HELLS: variants seen among roughly 807,000 people sequenced by gnomAD.
The protein encoded by HELLS is helicase, lymphoid specific.
In HELLS, 32 loss-of-function variants were observed where a neutral mutation model predicts 120.0. That is an observed-to-expected ratio of 0.27 (90% confidence interval 0.20 to 0.36). The LOEUF (loss-of-function observed/expected upper bound fraction) is 0.36, where lower values mean the gene tolerates loss of function less well. Ranked by LOEUF, HELLS falls within the 10% of genes least tolerant of loss-of-function variation. HELLS has a pLI of 1.00. For synonymous variants in HELLS, 341 were observed against 323.4 expected, an observed-to-expected ratio of 1.05 and a Z score of -0.58; for missense variants, 650 against 993.4, an observed-to-expected ratio of 0.65 and a Z score of 4.65.
chr10:94,560,930 C>T (rs1046652623), intron 4 of HELLS, among the ~76,000 whole-genome samples: 49 of 151,932 alleles, frequency 3.2e-4, no homozygotes, highest in African/African-American at 1.2e-3. Flanking sequence ...ATGGCGGGTA[C>T]CTGTAATCCC....
intron 17 of HELLS, 28 bp downstream of exon 17, chr10:94,592,542 A>G (rs371440441): frequency 1.5e-4 from 201 of 1,318,684 alleles, no homozygotes; most frequent in Non-Finnish European, 1.9e-4. Context: ...ATACATACCA[A>G]ACTATTCTTT....
intron 4 of HELLS, among the ~76,000 whole-genome samples, chr10:94,560,696 C>CTAAA (rs201682761): frequency 0.056 from 8,431 of 151,246 alleles, 350 homozygotes; most frequent in African/African-American, 0.1. Context: ...GACTCTGTTC[C>CTAAA]TAAATAAATA....
rs751672906 is a variant in HELLS at position 94,545,899 on chromosome 10, G to T, written c.-23G>T. The T allele has an allele frequency of 2.6e-6, 4 of 1,552,952 alleles. No individual in the cohort carries two copies. Among genetic ancestry groups the T allele is most frequent in the Non-Finnish European group, 3.5e-6 (4 of 1,147,570 alleles). Reference sequence around the variant, plus strand: ...TGCAGGCTCTGAGAGGAGGGGACCCGGTTCCCGGGTGAGTGTCCAGGCATG... The same window carrying T: ...TGCAGGCTCTGAGAGGAGGGGACCCTGTTCCCGGGTGAGTGTCCAGGCATG... On this transcript the variant is annotated 5_prime_UTR_variant, in exon 1 of 22. Coordinates refer to ENST00000348459, the MANE Select transcript of HELLS (RefSeq NM_018063.5).
chr10:94,559,209 A>C (rs973940242), intron 4 of HELLS, among the ~76,000 whole-genome samples: 1 of 152,274 alleles, frequency 6.6e-6, no homozygotes, highest in South Asian at 2.1e-4. Context: ...TATGTCAAGC[A>C]TATATCCTTT....
intron 10 of HELLS, among the ~76,000 whole-genome samples, chr10:94,580,187 T>TCACACACA (rs1564602849): frequency 1.5e-4 from 7 of 47,550 alleles, no homozygotes; most frequent in African/African-American, 4.9e-4. Context: ...ACACACACAT[T>TCACACACA]TTTTTTTTTT....
chr10:94,594,162 A>G (rs1344458791), intron 18 of HELLS, among the ~76,000 whole-genome samples: 1 of 152,022 alleles, frequency 6.6e-6, no homozygotes, highest in African/African-American at 2.4e-5. Context: ...ATTTCTTCAT[A>G]AAGTTTTTTG....
intron 8 of HELLS, among the ~76,000 whole-genome samples, chr10:94,607,157 T>TA (rs1564624252): frequency 6.6e-6 from 1 of 152,220 alleles, no homozygotes; most frequent in Non-Finnish European, 1.5e-5. Flanking sequence ...TGACATTTCT[T>TA]ACACTGTGAG....
chr10:94,591,962 T>C (rs1287364408), intron 15 of HELLS, among the ~76,000 whole-genome samples: 1 of 152,250 alleles, frequency 6.6e-6, no homozygotes, highest in East Asian at 1.9e-4. Flanking sequence ...ATAATTGTTT[T>C]CTTTCACAAT....
chr10:94,592,987 T>C (rs570873592), intron 17 of HELLS, among the ~76,000 whole-genome samples: 2 of 152,300 alleles, frequency 1.3e-5, no homozygotes, highest in South Asian at 4.1e-4. Flanking sequence ...AAAAATAAAA[T>C]ATAGATGATA....
rs1047890203 is a variant in HELLS at position 94,553,427 on chromosome 10, T to C, written c.154-699T>C. Among the ~76,000 whole-genome samples, 3 of 151,656 alleles carry C rather than the reference T, an allele frequency of 2.0e-5. No homozygotes were observed. The South Asian group carries it at 6.2e-4, about 32-fold the overall frequency. Reference sequence around the variant, plus strand: ...CCACGTCCTGCTAATTTTTATAGTTTTAGTAGAGATGGGGTTTCACCATTT... The same window carrying C: ...CCACGTCCTGCTAATTTTTATAGTTCTAGTAGAGATGGGGTTTCACCATTT... On this transcript the variant is annotated intron_variant, in intron 2 of 21. Coordinates refer to ENST00000348459, the MANE Select transcript of HELLS (RefSeq NM_018063.5).
intron 2 of HELLS, among the ~76,000 whole-genome samples, chr10:94,548,530 A>G (rs1156602878): frequency 6.6e-6 from 1 of 152,234 alleles, no homozygotes; most frequent in East Asian, 1.9e-4. Context: ...TTTAAAAAAG[A>G]TAAGTCAAAT....
intron 2 of HELLS, among the ~76,000 whole-genome samples, chr10:94,548,729 C>T (rs1356666038): frequency 6.6e-6 from 1 of 152,074 alleles, no homozygotes; most frequent in Non-Finnish European, 1.5e-5. Context: ...CATGGTGGCT[C>T]ACGCTTGTAA....
chr10:94,607,892 T>A (rs1193277635), intron 8 of HELLS: 2 of 424,676 alleles, frequency 4.7e-6, no homozygotes, highest in Non-Finnish European at 9.4e-6. Context: ...CACACCCAAC[T>A]GATTTTTGTA....
intron 7 of HELLS, among the ~76,000 whole-genome samples, chr10:94,572,999 G>T (rs542645946): frequency 2.0e-5 from 3 of 151,502 alleles, no homozygotes; most frequent in Non-Finnish European, 4.4e-5. Flanking sequence ...TCACTCTGTC[G>T]CCCAGGCTGG....
In HELLS at chr10:94,555,385, C is replaced by T. The variant is rs189625311; in HGVS notation, c.276+1137C>T. The stretch of plus-strand genomic sequence containing the variant: ...CCAGGAGGCGGAGGTTGCAGTGAGC[C>T]GAGATTGCACCCCTGGACTCCAGCC... On this transcript the variant is annotated intron_variant, in intron 3 of 21. Transcript: ENST00000348459. Among the ~76,000 whole-genome samples, 324 of 151,964 alleles carry T rather than the reference C, an allele frequency of 2.1e-3. 2 individuals carry two copies. Among genetic ancestry groups the T allele is most frequent in the Non-Finnish European group, 9.3e-4 (63 of 67,952 alleles).
At chr10:94,562,090 A>C (rs545649148) in intron 4 of HELLS, among the ~76,000 whole-genome samples, 1 of 147,758 alleles carries the variant, frequency 6.8e-6, no homozygotes, top group African/African-American at 2.5e-5. Context: ...CAAGATGTAC[A>C]TGGTATTTCT....
chr10:94,575,210 G>A (rs1431338100), intron 9 of HELLS, among the ~76,000 whole-genome samples: 1 of 138,582 alleles, frequency 7.2e-6, no homozygotes, highest in East Asian at 2.2e-4. Flanking sequence ...AGCAATTCTT[G>A]TGCCTGAGCC....
intron 6 of HELLS, among the ~76,000 whole-genome samples, chr10:94,567,518 G>C (rs578109942): frequency 2.2e-4 from 33 of 152,172 alleles, no homozygotes; most frequent in African/African-American, 7.7e-4. Context: ...GGCTGGTCTC[G>C]AACTCCCGAT....
At chr10:94,567,058 T>G (rs1364224964) in intron 6 of HELLS, among the ~76,000 whole-genome samples, 1 of 152,226 alleles carries the variant, frequency 6.6e-6, no homozygotes, top group East Asian at 1.9e-4. Flanking sequence ...TTTCCATTGT[T>G]TCATTCTCAC....
Sources: allele counts gnomAD v4.1 joint callset (sites outside exome capture counted in the v4.1 genomes callset), GRCh38; gene constraint gnomAD v4.1.1; transcripts MANE v1.5; gene names NCBI Gene and HGNC (gene_info 2026-07-23, HGNC 2026-07-21).